PRKCA: variants seen among roughly 807,000 people sequenced by gnomAD.
The protein encoded by PRKCA is protein kinase C alpha type.
In PRKCA, 27 loss-of-function variants were observed where a neutral mutation model predicts 87.0. The ratio of observed to expected loss-of-function variants is 0.31; its 90% CI spans 0.23 to 0.43. The LOEUF (loss-of-function observed/expected upper bound fraction) is 0.43, where lower values mean the gene tolerates loss of function less well. Among genes scored for constraint, PRKCA ranks in the 20% least tolerant of loss-of-function variants. The pLI is 1.00. For synonymous variants in PRKCA, 329 were observed against 311.1 expected (o/e 1.06, Z -0.61); for missense variants, 518 against 852.3 (o/e 0.61, Z 4.88).
intron 8 of PRKCA, 67 bp from the exon 9 acceptor site, chr17:66,732,621 G>A (rs1226604398): frequency 4.4e-5 from 70 of 1,591,430 alleles, no homozygotes; most frequent in Non-Finnish European, 5.3e-5. Context: ...GTTACAACAC[G>A]GTGGTTTCTG....
At chr17:66,379,721 AG>A (rs1233250912) in intron 2 of PRKCA, among the ~76,000 whole-genome samples, 5 of 152,190 alleles carry the variant, frequency 3.3e-5, no homozygotes, top group Admixed American at 6.5e-5. Context: ...TTCAATTTTG[AG>A]GAAGTCCAGT....
At chr17:66,388,350 A>G (rs954358814) in intron 2 of PRKCA, among the ~76,000 whole-genome samples, 2 of 151,012 alleles carry the variant, frequency 1.3e-5, no homozygotes, top group African/African-American at 4.9e-5. Flanking sequence ...ACTGGAGTGT[A>G]ATGGCGCCAT....
intron 16 of PRKCA, among the ~76,000 whole-genome samples, chr17:66,794,643 C>T (rs759798691): frequency 3.7e-5 from 5 of 136,466 alleles, no homozygotes; most frequent in South Asian, 5.0e-4. Flanking sequence ...TTTTTTGAGA[C>T]GGAGTTTCGC....
At position 66,803,784 on chromosome 17, in the gene PRKCA, C is replaced by T. The variant is rs540551964; in HGVS notation, c.1855-89C>T. The T allele has an allele frequency of 1.3e-4, 193 of 1,543,032 alleles. 1 individual carries two copies. The highest frequency in any genetic ancestry group is 4.8e-4 in the South Asian group (39 of 81,110). Reference sequence around the variant, plus strand: ...TAACCAGCCCGGAGTTCCCCAGGGCCGTGCCCCTCCCCAGAGAGGGCCCTC... The same window carrying T: ...TAACCAGCCCGGAGTTCCCCAGGGCTGTGCCCCTCCCCAGAGAGGGCCCTC... On this transcript the variant is annotated intron_variant, in intron 16 of 16. Transcript: ENST00000413366. The surrounding 1 kb of genome is among the most constrained non-coding windows in gnomAD (Gnocchi z 4.4).
intron 16 of PRKCA, among the ~76,000 whole-genome samples, chr17:66,795,066 A>G (rs1975635621): frequency 6.6e-6 from 1 of 152,004 alleles, no homozygotes; most frequent in Non-Finnish European, 1.5e-5. Context: ...TTTTTTCTGA[A>G]CCATTTGAGA....
chr17:66,510,754 A>T (rs887946493), intron 3 of PRKCA, among the ~76,000 whole-genome samples: 3 of 151,228 alleles, frequency 2.0e-5, no homozygotes, highest in Non-Finnish European at 4.4e-5. Context: ...TAATTTTATT[A>T]TTTTTTTTTG....
intron 3 of PRKCA, among the ~76,000 whole-genome samples, chr17:66,567,265 G>A (rs971488241): frequency 2.6e-5 from 4 of 152,164 alleles, no homozygotes; most frequent in African/African-American, 7.2e-5. Flanking sequence ...AACAGGTGCC[G>A]AGGTGACAAG....
chr17:66,417,278 C>T (rs4502257), intron 2 of PRKCA, among the ~76,000 whole-genome samples: 7,710 of 151,742 alleles, frequency 0.051, 231 homozygotes, highest in Admixed American at 0.079. Context: ...TGCAGTTTAC[C>T]GTATTGTTCA....
intron 16 of PRKCA, among the ~76,000 whole-genome samples, chr17:66,798,280 C>T (rs1975716502): frequency 6.6e-6 from 1 of 152,198 alleles, no homozygotes; most frequent in Non-Finnish European, 1.5e-5. Flanking sequence ...TAGGAAGAAT[C>T]TCTTCCACAT....
chr17:66,554,220 C>T (rs979959088), intron 3 of PRKCA, among the ~76,000 whole-genome samples: 3 of 147,988 alleles, frequency 2.0e-5, no homozygotes, highest in African/African-American at 5.1e-5. Context: ...TGGGCAACAT[C>T]GTGTGACCCC....
intron 8 of PRKCA, among the ~76,000 whole-genome samples, chr17:66,725,647 C>CAA (rs113071133): frequency 1.5e-5 from 2 of 137,026 alleles, no homozygotes; most frequent in Non-Finnish European, 3.2e-5. Context: ...CGCATGTCTA[C>CAA]AAAAAAAAAA....
chr17:66,776,191 G>A (rs578110325), intron 14 of PRKCA, among the ~76,000 whole-genome samples: 1 of 152,344 alleles, frequency 6.6e-6, no homozygotes, highest in Admixed American at 6.5e-5. Context: ...TCTGGATCCT[G>A]TTGTTAGCAG....
In PRKCA at chr17:66,642,437, TC is replaced by T. The variant is rs372980969; in HGVS notation, c.400+972del. Among the ~76,000 whole-genome samples the T allele has an allele frequency of 5.3e-3, 814 of 152,222 alleles. 11 individuals are homozygous for T. Among genetic ancestry groups the T allele is most frequent in the African/African-American group, 0.019 (785 of 41,566 alleles). ...AGTCACCGCGCCCAACCTGCTTTGA[TC>T]GTTCTTAAAGTATGAGATTCCTCAG... is the stretch of plus-strand genomic sequence containing the variant. On this transcript the variant is annotated intron_variant, in intron 4 of 16. Transcript: ENST00000413366.
intron 2 of PRKCA, among the ~76,000 whole-genome samples, chr17:66,475,180 G>A (rs891954346): frequency 6.6e-6 from 1 of 152,140 alleles, no homozygotes; most frequent in Admixed American, 6.5e-5. Flanking sequence ...ACTTATGCCA[G>A]AGAGAGGCTG....
chr17:66,502,555 C>CTG (rs558388009), intron 3 of PRKCA, among the ~76,000 whole-genome samples: 62 of 151,856 alleles, frequency 4.1e-4, no homozygotes, highest in African/African-American at 1.2e-3. Flanking sequence ...TTCATTTTCT[C>CTG]TGTGTGTCTT....
At chr17:66,506,261 A>C (rs1916972422) in intron 3 of PRKCA, among the ~76,000 whole-genome samples, 1 of 151,870 alleles carries the variant, frequency 6.6e-6, no homozygotes, top group African/African-American at 2.4e-5. Flanking sequence ...GTGCCACTGC[A>C]TTGCAGTCTG....
chr17:66,657,195 C>T (rs1010465020), intron 5 of PRKCA, among the ~76,000 whole-genome samples: 4 of 152,198 alleles, frequency 2.6e-5, no homozygotes, highest in African/African-American at 4.8e-5. Flanking sequence ...CCATGAGGGA[C>T]TTTTTATACT....
intron 2 of PRKCA, among the ~76,000 whole-genome samples, chr17:66,471,411 T>C (rs1044806038): frequency 6.6e-6 from 1 of 152,218 alleles, no homozygotes; most frequent in Admixed American, 6.5e-5. Context: ...CCTCAGGTTA[T>C]TCATCTCATA....
chr17:66,677,923 A>G (rs1235191980), intron 5 of PRKCA, among the ~76,000 whole-genome samples: 2 of 152,234 alleles, frequency 1.3e-5, no homozygotes, highest in Non-Finnish European at 2.9e-5. Flanking sequence ...AATATACACC[A>G]CCACTGTCTA....
Sources: allele counts gnomAD v4.1 joint callset (sites outside exome capture counted in the v4.1 genomes callset), GRCh38; gene constraint gnomAD v4.1.1; non-coding constraint Gnocchi (gnomAD v3.1); transcripts MANE v1.5; gene names NCBI Gene and HGNC (gene_info 2026-07-23, HGNC 2026-07-21).